DAGLA: variants seen among roughly 807,000 people sequenced by gnomAD.
DAGLA encodes diacylglycerol lipase alpha, also known as diacylglycerol lipase-alpha.
DAGLA carries 22 observed loss-of-function variants against 102.6 expected under a neutral mutation model. The ratio of observed to expected loss-of-function variants is 0.21; its 90% CI spans 0.15 to 0.31. The LOEUF is 0.31. Among genes scored for constraint, DAGLA ranks in the 10% least tolerant of loss-of-function variants. DAGLA has a pLI of 1.00. For missense variants in DAGLA, 927 were observed against 1,446.6 expected (o/e 0.64, Z 5.83); for synonymous variants, 578 against 628.9 (o/e 0.92, Z 1.21).
chr11:61,735,111 G>C (rs1310677286), intron 10 of DAGLA, 109 bp downstream of exon 10: 1 of 1,283,776 alleles, frequency 7.8e-7, no homozygotes, highest in Non-Finnish European at 1.1e-6. Flanking sequence ...GCTGGTGCTG[G>C]CTGGCTGCAG....
chr11:61,691,122 C>T (rs776485308), intron 1 of DAGLA, among the ~76,000 whole-genome samples: 28 of 152,218 alleles, frequency 1.8e-4, no homozygotes, highest in South Asian at 4.1e-4. Flanking sequence ...TCCATTTCTT[C>T]GCCCCTTTAA....
At chr11:61,710,650 A>G (rs2065187216) in intron 1 of DAGLA, among the ~76,000 whole-genome samples, 1 of 151,980 alleles carries the variant, frequency 6.6e-6, no homozygotes, top group Non-Finnish European at 1.5e-5. Flanking sequence ...AAGTCAGAGG[A>G]TTATGCAGGC....
intron 1 of DAGLA, among the ~76,000 whole-genome samples, chr11:61,696,396 C>T (rs1330548846): frequency 2.0e-5 from 3 of 152,120 alleles, no homozygotes; most frequent in Non-Finnish European, 4.4e-5. Context: ...GCCCAGCCGT[C>T]CGTCCGTCAA....
In DAGLA at chr11:61,704,766, A is replaced by T. The variant is rs115198818; in HGVS notation, c.-44-15346A>T. Reference sequence around the variant, plus strand: ...GGGAGAGTGGATGACTGGCATACAGAGACCCTCTTTCCATTCCCCTCCTGT... The same window carrying T: ...GGGAGAGTGGATGACTGGCATACAGTGACCCTCTTTCCATTCCCCTCCTGT... On this transcript the variant is annotated intron_variant, in intron 1 of 19. Coordinates refer to ENST00000257215, the MANE Select transcript of DAGLA (RefSeq NM_006133.3). Among the ~76,000 whole-genome samples the T allele has an allele frequency of 3.1e-3, 471 of 152,312 alleles. 2 individuals are homozygous for T. The highest frequency in any genetic ancestry group is 0.011 in the African/African-American group (438 of 41,570).
chr11:61,710,098 G>A (rs1321624470), intron 1 of DAGLA, among the ~76,000 whole-genome samples: 5 of 152,116 alleles, frequency 3.3e-5, no homozygotes, highest in Non-Finnish European at 5.9e-5. Flanking sequence ...GCTTCATTAG[G>A]GGGCCCCTAA....
intron 1 of DAGLA, among the ~76,000 whole-genome samples, chr11:61,716,164 G>T (rs1403138630): frequency 6.6e-6 from 1 of 152,140 alleles, no homozygotes; most frequent in Admixed American, 6.5e-5. Flanking sequence ...CTGGCACCCA[G>T]AGGTGTGGCG....
chr11:61,736,149 T>C (rs771674335), intron 12 of DAGLA, 121 bp from the exon 13 acceptor site: 4 of 785,948 alleles, frequency 5.1e-6, no homozygotes, highest in Non-Finnish European at 8.7e-6. Flanking sequence ...CACAGCTGGG[T>C]TGTCACGAGG....
chr11:61,697,737 G>A (rs983609599), intron 1 of DAGLA, among the ~76,000 whole-genome samples: 4 of 151,812 alleles, frequency 2.6e-5, no homozygotes, highest in Middle Eastern at 3.2e-3. Flanking sequence ...CTGGAGTGCC[G>A]TGGTACAATC....
Position 61,720,766 on chromosome 11 carries a change from C to T in DAGLA, c.183C>T (p.Gly61=), listed in dbSNP as rs757105086. The change falls in exon 3 of 20, where the codon GGC becomes GGT. Residue 61 remains glycine (G), a synonymous_variant. Coordinates refer to ENST00000257215, the MANE Select transcript of DAGLA (RefSeq NM_006133.3). ...TGAACCTGGTGGACCACGGCCGCGG[C>T]TACCTGGGCATCCTGCTGAGCTGCA... The part of the protein sequence containing the change: ...CSLNLVDHGR[G]YLGILLSCMI... The T allele has an allele frequency of 1.2e-6, 2 of 1,613,998 alleles. No homozygotes were observed.
intron 3 of DAGLA, among the ~76,000 whole-genome samples, chr11:61,721,350 C>T (rs1173445467): frequency 5.9e-5 from 9 of 152,218 alleles, no homozygotes; most frequent in South Asian, 4.1e-4. Context: ...GCCGAGATTG[C>T]GCCACTGCAC....
chr11:61,700,036 C>T (rs1221446720), intron 1 of DAGLA, among the ~76,000 whole-genome samples: 1 of 152,216 alleles, frequency 6.6e-6, no homozygotes, highest in Non-Finnish European at 1.5e-5. Context: ...CAAGGCTGCC[C>T]CAGCAGTGCC....
intron 1 of DAGLA, among the ~76,000 whole-genome samples, chr11:61,708,770 G>A (rs923595779): frequency 6.6e-6 from 1 of 152,142 alleles, no homozygotes; most frequent in Non-Finnish European, 1.5e-5. Flanking sequence ...TTTTATAGAC[G>A]AGGAGAGGGC....
chr11:61,735,047 T>C (rs1373826333), intron 10 of DAGLA, 45 bp downstream of exon 10: 1 of 1,599,814 alleles, frequency 6.3e-7, no homozygotes, highest in East Asian at 2.2e-5. Flanking sequence ...AGCAGGCAGC[T>C]GAGGGCCTAG....
At chr11:61,732,050 C>G (rs538769904) in intron 9 of DAGLA, among the ~76,000 whole-genome samples, 3 of 152,202 alleles carry the variant, frequency 2.0e-5, no homozygotes, top group African/African-American at 4.8e-5. Flanking sequence ...CTCAGCCCAC[C>G]GCTTGGGGGC....
intron 17 of DAGLA, among the ~76,000 whole-genome samples, chr11:61,740,174 C>T (rs1426243979): frequency 2.0e-5 from 3 of 152,228 alleles, no homozygotes; most frequent in African/African-American, 4.8e-5. Flanking sequence ...CCTCCCCTGA[C>T]ACAGCTGGTG....
At chr11:61,736,407 G>C (rs969320770) in intron 13 of DAGLA, 57 bp downstream of exon 13, 5 of 1,386,620 alleles carry the variant, frequency 3.6e-6, no homozygotes, top group Non-Finnish European at 2.1e-6. Context: ...CTCCTCCAAC[G>C]CAGCACAGAG....
chr11:61,702,409 C>T (rs2135561596), intron 1 of DAGLA, among the ~76,000 whole-genome samples: 1 of 152,294 alleles, frequency 6.6e-6, no homozygotes, highest in Admixed American at 6.5e-5. Flanking sequence ...GATGATAGCA[C>T]CTTAAGGCTC....
At chr11:61,696,594 GGGGGT>G (rs1180300040) in intron 1 of DAGLA, among the ~76,000 whole-genome samples, 36 of 144,752 alleles carry the variant, frequency 2.5e-4, no homozygotes, top group African/African-American at 8.2e-4. Flanking sequence ...ACCCGGGGTT[GGGGGT>G]GGGGTGGGGT....
Position 61,744,126 on chromosome 11 carries a change from C to T in DAGLA, c.2766C>T (p.Asn922=). 6.2e-7 allele frequency: 1 copy of T among 1,613,040 alleles called. No individual in the cohort carries two copies. The highest frequency in any genetic ancestry group is 8.5e-7 in the Non-Finnish European group (1 of 1,179,972). The change falls in exon 20 of 20, where the codon AAC becomes AAT. Residue 922 remains asparagine, a synonymous_variant. Transcript: ENST00000257215. Reference sequence around the variant, plus strand: ...CCGAGTTCATCGACAGCCTCTTCAACCTGGACAGCAAGAGCAGCTCCTTCC... The same window carrying T: ...CCGAGTTCATCGACAGCCTCTTCAATCTGGACAGCAAGAGCAGCTCCTTCC... The part of the protein sequence containing the change: ...EFAEFIDSLF[N]LDSKSSSFQD...
Sources: gnomAD v4.1 joint callset for allele counts (sites outside exome capture counted in the v4.1 genomes callset) on GRCh38, gnomAD v4.1.1 for gene constraint, MANE v1.5 for transcripts, NCBI Gene and HGNC (gene_info 2026-07-23, HGNC 2026-07-21) for gene names.